Variants in DPYD observed in about 807,000 individuals in gnomAD.
DPYD encodes dihydropyrimidine dehydrogenase [NADP(+)].
Under a neutral mutation model 116.2 loss-of-function variants are expected in DPYD, and 109 were observed. The ratio of observed to expected loss-of-function variants is 0.94; its 90% CI spans 0.80 to 1.10. The LOEUF is 1.10. Among genes scored for constraint, DPYD ranks in the 50% least tolerant of loss-of-function variants. The pLI, the probability that DPYD is intolerant of heterozygous loss-of-function variation, is 0.00. For missense variants in DPYD, 1,302 were observed against 1,254.5 expected (o/e 1.04, Z -0.57); for synonymous variants, 440 against 432.0 (o/e 1.02, Z -0.23).
chr1:97,273,225 T>G (rs1300967177), intron 18 of DPYD, among the ~76,000 whole-genome samples: 1 of 152,132 alleles, frequency 6.6e-6, no homozygotes, highest in East Asian at 1.9e-4. Flanking sequence ...AAAAGATAAA[T>G]TTTAGAAACA....
chr1:97,739,736 C>A (rs755417039), intron 4 of DPYD, among the ~76,000 whole-genome samples: 1 of 151,932 alleles, frequency 6.6e-6, no homozygotes, highest in African/African-American at 2.4e-5. Flanking sequence ...GCTCTCAATG[C>A]TCTCTTCACA....
At chr1:97,895,308 G>A (rs1168858587) in intron 1 of DPYD, among the ~76,000 whole-genome samples, 1 of 151,748 alleles carries the variant, frequency 6.6e-6, no homozygotes, top group African/African-American at 2.4e-5. Context: ...GAGGCTAAGT[G>A]TATACCAGCA....
intron 12 of DPYD, among the ~76,000 whole-genome samples, chr1:97,543,125 GTAA>G (rs1269471643): frequency 6.6e-6 from 1 of 152,016 alleles, no homozygotes; most frequent in East Asian, 1.9e-4. Context: ...ATTATTTTAA[GTAA>G]TAATAATAAT....
chr1:97,864,722 A>G (rs1382806783), intron 2 of DPYD, among the ~76,000 whole-genome samples: 1 of 151,894 alleles, frequency 6.6e-6, no homozygotes, highest in Non-Finnish European at 1.5e-5. Context: ...GCCAAATTAT[A>G]CGAAGTTCTG....
At chr1:97,876,619 A>G (rs1288338184) in intron 2 of DPYD, among the ~76,000 whole-genome samples, 2 of 151,962 alleles carry the variant, frequency 1.3e-5, no homozygotes, top group Admixed American at 6.6e-5. Context: ...TTCAAATTCA[A>G]AATCAGTCTT....
chr1:97,209,709 C>T (rs1390475937), intron 19 of DPYD, among the ~76,000 whole-genome samples: 1 of 152,032 alleles, frequency 6.6e-6, no homozygotes, highest in Non-Finnish European at 1.5e-5. Context: ...TGCTTATGCC[C>T]TTAAAGCATG....
At chr1:97,308,243 C>T (rs1041245502) in intron 16 of DPYD, 1 of 151,672 alleles carries the variant, frequency 6.6e-6, no homozygotes, top group Non-Finnish European at 1.5e-5. Flanking sequence ...TTCTTAGAAA[C>T]ACATGGTTTT....
chr1:97,107,653 A>G (rs1651270115), intron 20 of DPYD, among the ~76,000 whole-genome samples: 1 of 152,122 alleles, frequency 6.6e-6, no homozygotes, highest in Non-Finnish European at 1.5e-5. Flanking sequence ...AAGAATATCC[A>G]TGAGTTGGGT....
chr1:97,792,306 C>A (rs951140182), intron 3 of DPYD, among the ~76,000 whole-genome samples: 12 of 151,306 alleles, frequency 7.9e-5, no homozygotes, highest in African/African-American at 2.9e-4. Context: ...CAGAGTCTTG[C>A]TCTGCTGCCC....
chr1:97,114,943 GA>G (rs1182446678), intron 20 of DPYD, among the ~76,000 whole-genome samples: 2 of 152,136 alleles, frequency 1.3e-5, no homozygotes, highest in Non-Finnish European at 2.9e-5. Context: ...TGAACTGTGA[GA>G]CTTATCCTTC....
At chr1:97,419,315 T>C (rs1426608782) in intron 14 of DPYD, among the ~76,000 whole-genome samples, 3 of 152,192 alleles carry the variant, frequency 2.0e-5, no homozygotes, top group Admixed American at 6.5e-5. Context: ...CCATCTCTGG[T>C]AATTCCAACT....
intron 5 of DPYD, among the ~76,000 whole-genome samples, chr1:97,700,705 A>T (rs1242214694): frequency 6.6e-6 from 1 of 152,092 alleles, no homozygotes; most frequent in African/African-American, 2.4e-5. Flanking sequence ...ACCTAAAAAA[A>T]TTGAAAGAGA....
intron 20 of DPYD, among the ~76,000 whole-genome samples, chr1:97,157,628 T>A (rs886426526): frequency 1.3e-5 from 2 of 152,046 alleles, no homozygotes; most frequent in African/African-American, 4.8e-5. Flanking sequence ...CCAGAACATA[T>A]GCGACAGAAA....
In DPYD at chr1:97,848,184, G is replaced by A. The variant is rs567057356; in HGVS notation, c.151-19988C>T. 3.3e-5 allele frequency among the ~76,000 whole-genome samples: 5 copies of A among 152,130 alleles called. No individual in the cohort carries two copies. The South Asian group carries it at 6.2e-4, about 19-fold the overall frequency. ...GTGATCTTGGCTCACTGCAAGCTCC[G>A]CCTCCCGGGTTCATGCCATTCTCCT... is the stretch of plus-strand genomic sequence containing the variant. On this transcript the variant is annotated intron_variant, in intron 2 of 22. Coordinates refer to ENST00000370192, the MANE Select transcript of DPYD (RefSeq NM_000110.4).
chr1:97,151,681 T>TA (rs1387046276), intron 20 of DPYD, among the ~76,000 whole-genome samples: 1 of 145,498 alleles, frequency 6.9e-6, no homozygotes, highest in East Asian at 2.0e-4. Context: ...GTCTCAAAAA[T>TA]AAAAAAATAA....
chr1:97,904,302 C>A (rs1571561120), intron 1 of DPYD, among the ~76,000 whole-genome samples: 1 of 151,988 alleles, frequency 6.6e-6, no homozygotes, highest in Non-Finnish European at 1.5e-5. Context: ...ACAGGATCCA[C>A]TGGGTGGCAA....
chr1:97,719,800 T>C (rs1328217411), intron 5 of DPYD: 1 of 984,100 alleles, frequency 1.0e-6, no homozygotes. Context: ...TAATTTGATA[T>C]TGAAATTACA....
chr1:97,497,922 C>A (rs1679359477), intron 13 of DPYD, among the ~76,000 whole-genome samples: 1 of 151,632 alleles, frequency 6.6e-6, no homozygotes, highest in South Asian at 2.1e-4. Flanking sequence ...TAGAAAAATA[C>A]CCCATGAAGG....
intron 16 of DPYD, among the ~76,000 whole-genome samples, chr1:97,349,864 TAATGGGATGGCTGTGTCA>T (rs1327821404): frequency 6.6e-6 from 1 of 150,688 alleles, no homozygotes; most frequent in Non-Finnish European, 1.5e-5. Context: ...ATATACCCAG[TAATGGGATGGCTGTGTCA>T]AATGGTATTT....
Sources: allele counts gnomAD v4.1 joint callset (sites outside exome capture counted in the v4.1 genomes callset), GRCh38; gene constraint gnomAD v4.1.1; transcripts MANE v1.5; gene names NCBI Gene and HGNC (gene_info 2026-07-23, HGNC 2026-07-21).